SPATA7: variants seen among roughly 807,000 people sequenced by gnomAD.
The protein encoded by SPATA7 is spermatogenesis associated 7.
SPATA7 carries 43 observed loss-of-function variants against 51.8 expected under a neutral mutation model. The ratio of observed to expected loss-of-function variants is 0.83; its 90% CI spans 0.65 to 1.07. The LOEUF is 1.07. Ranked by LOEUF, SPATA7 falls within the 50% of genes least tolerant of loss-of-function variation. The pLI, the probability that SPATA7 is intolerant of heterozygous loss-of-function variation, is 0.00. For missense variants in SPATA7, 683 were observed against 701.3 expected (o/e 0.97, Z 0.30); for synonymous variants, 230 against 252.8 (o/e 0.91, Z 0.86).
At chr14:88,417,312 T>TA (rs972955983) in intron 5 of SPATA7, among the ~76,000 whole-genome samples, 22 of 144,176 alleles carry the variant, frequency 1.5e-4, no homozygotes, top group Non-Finnish European at 3.2e-4. Flanking sequence ...GGGTTTTTTT[T>TA]TTTTTATATA....
intron 1 of SPATA7, among the ~76,000 whole-genome samples, chr14:88,390,207 G>A (rs1281883980): frequency 6.6e-6 from 1 of 151,878 alleles, no homozygotes; most frequent in African/African-American, 2.4e-5. Context: ...TTAGCCTTTT[G>A]ACTACAAATG....
rs1423887125 is a variant in SPATA7 at position 88,426,230 on chromosome 14, A to G, written c.373-2A>G. 3 of 1,609,612 alleles carry G rather than the reference A, an allele frequency of 1.9e-6. No homozygotes were observed. Among genetic ancestry groups the G allele is most frequent in the Non-Finnish European group, 2.6e-6 (3 of 1,176,386 alleles). Reference sequence around the variant, plus strand: ...GATGACTGTCATATCGAATGTTCTTAGCCCTCAGGCGAACCGCAAATTGAG... The same window carrying G: ...GATGACTGTCATATCGAATGTTCTTGGCCCTCAGGCGAACCGCAAATTGAG... On this transcript the variant is annotated splice_acceptor_variant, in intron 5 of 11. Transcript: ENST00000393545. LOFTEE classifies it high-confidence loss of function.
intron 10 of SPATA7, among the ~76,000 whole-genome samples, chr14:88,434,242 C>T (rs1400499441): frequency 2.0e-5 from 3 of 151,958 alleles, no homozygotes; most frequent in Non-Finnish European, 4.4e-5. Flanking sequence ...TACCAAAAAC[C>T]AGAATCAACC....
chr14:88,445,692 T>G (rs1177716646), intron 3 of SPATA7, among the ~76,000 whole-genome samples: 1 of 152,236 alleles, frequency 6.6e-6, no homozygotes, highest in African/African-American at 2.4e-5. Flanking sequence ...GTTTTTAGTA[T>G]GAAAGGTTGT....
chr14:88,414,564 C>A, intron 4 of SPATA7: 1 of 273,852 alleles, frequency 3.7e-6, no homozygotes, highest in Non-Finnish European at 7.2e-6. Flanking sequence ...ATTATTTCTG[C>A]TTTTAGATAA....
chr14:88,426,466 C>T lies in SPATA7; in HGVS notation c.607C>T (p.Pro203Ser), dbSNP rs2076795287. The T allele has an allele frequency of 1.2e-6, 2 of 1,614,120 alleles. No homozygotes were observed. Among genetic ancestry groups the T allele is most frequent in the African/African-American group, 1.3e-5 (1 of 75,040 alleles). The part of the protein sequence containing the change: ...LSSGALYGRR[P>S]RSTFPNSHRF... ...CTCTGGAGCCCTGTATGGCAGAAGGCCCAGAAGCACATTCCCAAATTCCCA... is the reference window on the plus strand; with the variant it reads ...CTCTGGAGCCCTGTATGGCAGAAGGTCCAGAAGCACATTCCCAAATTCCCA... Residue 203 changes from proline (P) to serine (S), a missense_variant, in exon 6 of 12, where the codon CCC becomes TCC. Physicochemically the swap from Pro to Ser is moderately conservative, Grantham distance 74. Coordinates refer to ENST00000393545, the MANE Select transcript of SPATA7 (RefSeq NM_018418.5).
chr14:88,453,935 G>T (rs1253822871), intron 3 of SPATA7, among the ~76,000 whole-genome samples: 1 of 152,174 alleles, frequency 6.6e-6, no homozygotes, highest in Non-Finnish European at 1.5e-5. Context: ...GTTGCCTTGT[G>T]CATTCTGCTT....
chr14:88,441,458 C>G (rs1034446553), downstream of SPATA7, among the ~76,000 whole-genome samples: 1 of 152,156 alleles, frequency 6.6e-6, no homozygotes, highest in South Asian at 2.1e-4. Flanking sequence ...AGTATACATT[C>G]CCACTAACAG....
At chr14:88,419,363 G>A (rs1426363134) in intron 5 of SPATA7, among the ~76,000 whole-genome samples, 1 of 150,102 alleles carries the variant, frequency 6.7e-6, no homozygotes, top group Non-Finnish European at 1.5e-5. Flanking sequence ...TTTTCTGATA[G>A]TGATATAATT....
intron 4 of SPATA7, among the ~76,000 whole-genome samples, chr14:88,460,329 A>G (rs983411731): frequency 1.4e-4 from 21 of 152,250 alleles, no homozygotes; most frequent in Admixed American, 3.9e-4. Context: ...CATTCTCCCC[A>G]TCACTTTCAG....
At position 88,426,446 on chromosome 14, in the gene SPATA7, G is replaced by C; in HGVS notation, c.587G>C (p.Gly196Ala). Residue 196 changes from glycine to alanine, a missense_variant, in exon 6 of 12, where the codon GGA (glycine) becomes GCA (alanine). By Grantham distance (60) the Gly-to-Ala change is moderately conservative. Transcript: ENST00000393545. ...TCCGGGCCCCGGAAACTGAGCTCTG[G>C]AGCCCTGTATGGCAGAAGGCCCAGA... ...AASGPRKLSS[G>A]ALYGRRPRST... 6.2e-7 allele frequency: 1 copy of C among 1,614,168 alleles called. No homozygotes were observed. Among genetic ancestry groups the C allele is most frequent in the African/African-American group, 1.3e-5 (1 of 75,042 alleles).
chr14:88,444,910 A>G (rs1047041575), intron 3 of SPATA7, among the ~76,000 whole-genome samples: 3 of 152,186 alleles, frequency 2.0e-5, no homozygotes, highest in African/African-American at 4.8e-5. Flanking sequence ...GTATGAAGTC[A>G]GGTAGTGTGA....
chr14:88,428,740 A>G (rs536793240), intron 7 of SPATA7: 2 of 152,534 alleles, frequency 1.3e-5, no homozygotes, highest in South Asian at 4.1e-4. Context: ...TAGTGCCATC[A>G]GTACTTGACT....
chr14:88,469,063 CTCT>C lies in SPATA7; in HGVS notation c.255-781_255-779del. 1 of 1,613,084 alleles carries C rather than the reference CTCT, an allele frequency of 6.2e-7. No individual in the cohort carries two copies. Among genetic ancestry groups the C allele is most frequent in the Non-Finnish European group, 8.5e-7 (1 of 1,179,182 alleles). On this transcript the variant is annotated intron_variant, in intron 4 of 4. Transcript: ENST00000556406. The surrounding 1 kb of genome is among the most constrained non-coding windows in gnomAD (Gnocchi z 4.3). Reference sequence around the variant, plus strand: ...TTGTATGGCGTCGAACAGACTGGATCTCTTCAAGATATGCTGTGGAAAATCAAT... The same window carrying C: ...TTGTATGGCGTCGAACAGACTGGATCTCAAGATATGCTGTGGAAAATCAAT...
intron 3 of SPATA7, among the ~76,000 whole-genome samples, chr14:88,454,695 C>A (rs1480240117): frequency 7.9e-5 from 12 of 151,860 alleles, no homozygotes. Flanking sequence ...GTAGTCCTAG[C>A]TAATTGGGAG....
At chr14:88,466,618 C>T (rs2077367665) in intron 4 of SPATA7, 1 of 152,188 alleles carries the variant, frequency 6.6e-6, no homozygotes, top group Non-Finnish European at 1.5e-5. Flanking sequence ...CCCACTCATC[C>T]ATGCCTACTC....
chr14:88,435,506 G>A (rs1595297319), intron 10 of SPATA7, among the ~76,000 whole-genome samples: 1 of 152,070 alleles, frequency 6.6e-6, no homozygotes, highest in East Asian at 1.9e-4. Context: ...ACCCTGTTGT[G>A]CTGTCAAATG....
At chr14:88,468,838 G>C (rs1164958546) in intron 4 of SPATA7, 7 of 1,567,704 alleles carry the variant, frequency 4.5e-6, no homozygotes, top group Non-Finnish European at 5.3e-6. Flanking sequence ...CGCAAAAAGA[G>C]CTATTAAGTC....
Position 88,433,207 on chromosome 14 carries a change from A to G in SPATA7, c.1155A>G (p.Ser385=). Residue 385 remains serine (S), a synonymous_variant, in exon 10 of 12, where the codon TCA becomes TCG. Transcript: ENST00000393545. ...TDEILKLGLF[S]NRFLERLFER... is the part of the protein sequence containing the mutation. ...AAATTTTGAAACTTGGTTTATTTTC[A>G]AACAGGTTAGTTTTTTTAATGGTGT... The G allele has an allele frequency of 6.2e-7, 1 of 1,605,248 alleles. No individual in the cohort carries two copies. The highest frequency in any genetic ancestry group is 8.5e-7 in the Non-Finnish European group (1 of 1,174,528).
Sources: gnomAD v4.1 joint callset for allele counts (sites outside exome capture counted in the v4.1 genomes callset) on GRCh38, gnomAD v4.1.1 for gene constraint, Gnocchi (gnomAD v3.1) non-coding constraint, MANE v1.5 for transcripts, NCBI Gene and HGNC (gene_info 2026-07-23, HGNC 2026-07-21) for gene names.